THSD7A: variants seen among roughly 807,000 people sequenced by gnomAD.
The protein encoded by THSD7A is thrombospondin type-1 domain-containing protein 7A.
Under a neutral mutation model 231.3 loss-of-function variants are expected in THSD7A, and 96 were observed. The ratio of observed to expected loss-of-function variants is 0.41; its 90% CI spans 0.35 to 0.49. The LOEUF (loss-of-function observed/expected upper bound fraction) is 0.49. Among genes scored for constraint, THSD7A ranks in the 20% least tolerant of loss-of-function variants. THSD7A has a pLI of 0.05. For synonymous variants in THSD7A, 940 were observed against 743.3 expected, an observed-to-expected ratio of 1.26 and a Z score of -4.30; for missense variants, 2,290 against 2,070.2, an observed-to-expected ratio of 1.11 and a Z score of -2.06.
At chr7:11,821,055 C>T (rs1196758808) in intron 1 of THSD7A, 1 of 991,516 alleles carries the variant, frequency 1.0e-6, no homozygotes, top group African/African-American at 1.6e-5. Flanking sequence ...ACGAGCCAAA[C>T]CATGTTTTAT....
In THSD7A at chr7:11,566,968, G is replaced by GAC. The variant is rs1269480989; in HGVS notation, c.1453+23491_1453+23492insGT. On this transcript the variant is annotated intron_variant, in intron 4 of 27. Coordinates refer to ENST00000423059, the MANE Select transcript of THSD7A (RefSeq NM_015204.3). ...AGTGGATCCAGCTGTGGGAGAGTGG[G>GAC]GGGGGGACTGACCAACAAAGTTTCC... 5.4e-5 allele frequency among the ~76,000 whole-genome samples: 3 copies of GAC among 55,922 alleles called. 1 individual carries two copies. Among genetic ancestry groups the GAC allele is most frequent in the East Asian group, 1.1e-3 (2 of 1,854 alleles). 36.7% of individuals were successfully genotyped at this position (55,922 alleles called of 152,430 possible). A position where few individuals can be genotyped will look rare whatever the true frequency, so the allele number is the denominator to read the frequency against.
rs116995966 is a variant in THSD7A, at chr7:11,505,013, G to T, written c.1823-23031C>A. 5.2e-3 allele frequency among the ~76,000 whole-genome samples: 794 copies of T among 152,198 alleles called. 4 individuals carry two copies. Among genetic ancestry groups the T allele is most frequent in the Non-Finnish European group, 9.5e-3 (647 of 67,992 alleles). ...ATAAGGCAACTAGTTAGAGATGCAGGCATGTTTCAGAACTCCTGATTGTCA... is the reference window on the plus strand; with the variant it reads ...ATAAGGCAACTAGTTAGAGATGCAGTCATGTTTCAGAACTCCTGATTGTCA... On this transcript the variant is annotated intron_variant, in intron 6 of 27. Transcript: ENST00000423059.
Position 11,818,885 on chromosome 7 carries a change from T to A in THSD7A, c.190+12872A>T, listed in dbSNP as rs78878211. Among the ~76,000 whole-genome samples the A allele has an allele frequency of 6.6e-3, 1,007 of 152,268 alleles. 11 individuals carry two copies. The highest frequency in any genetic ancestry group is 0.018 in the African/African-American group (758 of 41,538). On this transcript the variant is annotated intron_variant, in intron 1 of 27. Transcript: ENST00000423059. ...TTAATTCCCATGTGGTTTTTTTTCA[T>A]TATTGAACAATTATCTTCAGTATGT...
intron 6 of THSD7A, among the ~76,000 whole-genome samples, chr7:11,511,011 C>T (rs1787785181): frequency 2.0e-5 from 3 of 152,156 alleles, no homozygotes; most frequent in African/African-American, 7.2e-5. Flanking sequence ...TTGCAGATGA[C>T]ATGATTGTAT....
intron 6 of THSD7A, among the ~76,000 whole-genome samples, chr7:11,497,624 T>C (rs916053291): frequency 2.6e-5 from 4 of 152,138 alleles, no homozygotes; most frequent in African/African-American, 9.7e-5. Context: ...ACTTTCCACT[T>C]GGAAAATGTT....
In THSD7A at chr7:11,406,423, T is replaced by A; in HGVS notation, c.4114A>T (p.Ser1372Cys). The change falls in exon 22 of 28, where the codon AGT becomes TGT. Residue 1372 changes from serine (S) to cysteine (C), a missense_variant. Coordinates refer to ENST00000423059, the MANE Select transcript of THSD7A (RefSeq NM_015204.3). The surrounding 1 kb of genome is among the most constrained non-coding windows in gnomAD (Gnocchi z 4.7). ...CTGAAATCATCAGCTGACCCATCAC[T>A]TACTACACAAGAAATGTTCCTTGTT... ...TRTRNISCVV[S>C]DGSADDFSKV... is the part of the protein sequence containing the mutation. 6.2e-7 allele frequency: 1 copy of A among 1,613,902 alleles called. No homozygotes were observed. The highest frequency in any genetic ancestry group is 8.5e-7 in the Non-Finnish European group (1 of 1,179,858).
At chr7:11,558,917 CTACTTACATTAT>C (rs1363240543) in intron 4 of THSD7A, among the ~76,000 whole-genome samples, 6 of 152,102 alleles carry the variant, frequency 3.9e-5, no homozygotes, top group African/African-American at 1.4e-4. Context: ...TGGACCCAAT[CTACTTACATTAT>C]TACTTAAAAG....
chr7:11,591,874 C>T (rs536635207), intron 3 of THSD7A, among the ~76,000 whole-genome samples: 4 of 152,168 alleles, frequency 2.6e-5, no homozygotes, highest in South Asian at 2.1e-4. Flanking sequence ...ATTTAGGTCA[C>T]GCCAAAAAGT....
intron 6 of THSD7A, among the ~76,000 whole-genome samples, chr7:11,525,691 C>G (rs1788443009): frequency 6.6e-6 from 1 of 152,104 alleles, no homozygotes; most frequent in Non-Finnish European, 1.5e-5. Flanking sequence ...TTCTTACCTA[C>G]ATGATTCTAC....
intron 23 of THSD7A, among the ~76,000 whole-genome samples, chr7:11,387,866 A>G (rs940548552): frequency 3.3e-5 from 5 of 151,796 alleles, no homozygotes; most frequent in African/African-American, 1.2e-4. Context: ...AGCTCTTATT[A>G]TTTTGAGATA....
At chr7:11,436,688 T>G (rs1234145854) in intron 13 of THSD7A, among the ~76,000 whole-genome samples, 1 of 151,934 alleles carries the variant, frequency 6.6e-6, no homozygotes, top group Non-Finnish European at 1.5e-5. Flanking sequence ...GGTTTTTTTT[T>G]TTTAATTTCC....
chr7:11,671,468 T>C (rs1207434166), intron 1 of THSD7A, among the ~76,000 whole-genome samples: 3 of 152,208 alleles, frequency 2.0e-5, no homozygotes, highest in Admixed American at 2.0e-4. Context: ...TTCCTCTTGC[T>C]GAGAAACATT....
At chr7:11,576,304 G>A (rs1790901681) in intron 4 of THSD7A, among the ~76,000 whole-genome samples, 1 of 152,106 alleles carries the variant, frequency 6.6e-6, no homozygotes, top group Non-Finnish European at 1.5e-5. Flanking sequence ...TTGAATGCAA[G>A]CAATTTCTTT....
At chr7:11,546,681 G>A (rs537811913) in intron 4 of THSD7A, among the ~76,000 whole-genome samples, 1 of 152,256 alleles carries the variant, frequency 6.6e-6, no homozygotes, top group East Asian at 1.9e-4. Context: ...ACATTCAAAT[G>A]ACTGCACTAG....
chr7:11,482,075 T>C (rs889226242), intron 6 of THSD7A, 93 bp from the exon 7 acceptor site: 1 of 1,343,706 alleles, frequency 7.4e-7, no homozygotes, highest in East Asian at 2.5e-5. Context: ...AGTTACATTA[T>C]CTTTCTTTTG....
At chr7:11,596,850 T>C (rs1023059817) in intron 2 of THSD7A, among the ~76,000 whole-genome samples, 3 of 152,268 alleles carry the variant, frequency 2.0e-5, no homozygotes, top group African/African-American at 7.2e-5. Flanking sequence ...ACACCTGGTA[T>C]GCAGCCATTG....
intron 6 of THSD7A, among the ~76,000 whole-genome samples, chr7:11,507,964 G>C (rs1190877483): frequency 6.6e-6 from 1 of 152,154 alleles, no homozygotes; most frequent in Admixed American, 6.5e-5. Context: ...GGCAAGGGAG[G>C]CCTCAGGAAA....
intron 1 of THSD7A, among the ~76,000 whole-genome samples, chr7:11,709,927 T>C (rs1404068669): frequency 6.6e-6 from 1 of 150,732 alleles, no homozygotes; most frequent in Non-Finnish European, 1.5e-5. Context: ...TGCACACAAC[T>C]TCATGTATGC....
At chr7:11,706,522 T>C (rs1257318267) in intron 1 of THSD7A, among the ~76,000 whole-genome samples, 1 of 150,690 alleles carries the variant, frequency 6.6e-6, no homozygotes, top group Non-Finnish European at 1.5e-5. Context: ...ACACGTGTGT[T>C]TGTGGTCTTT....
Sources: gnomAD v4.1 joint callset for allele counts (sites outside exome capture counted in the v4.1 genomes callset) on GRCh38, gnomAD v4.1.1 for gene constraint, Gnocchi (gnomAD v3.1) non-coding constraint, MANE v1.5 for transcripts, NCBI Gene and HGNC (gene_info 2026-07-23, HGNC 2026-07-21) for gene names.